Variants in ABCG1 observed in about 807,000 individuals in gnomAD.
ABCG1 encodes ATP binding cassette subfamily G member 1, also known as ATP-binding cassette sub-family G member 1.
ABCG1 carries 29 observed loss-of-function variants against 69.2 expected under a neutral mutation model. The ratio of observed to expected loss-of-function variants is 0.42; its 90% CI spans 0.31 to 0.57. The LOEUF is 0.57. ABCG1 is among the 20% of genes least tolerant of loss of function. ABCG1 has a pLI of 0.15. For synonymous variants in ABCG1, 370 were observed against 374.8 expected (o/e 0.99, Z 0.15); for missense variants, 718 against 898.1 (o/e 0.80, Z 2.56).
Position 42,242,380 on chromosome 21 carries a change from A to T in ABCG1, c.286+16466A>T, listed in dbSNP as rs111800268. 6.3e-3 allele frequency among the ~76,000 whole-genome samples: 957 copies of T among 152,290 alleles called. 11 individuals carry two copies. The highest frequency in any genetic ancestry group is 0.022 in the African/African-American group (921 of 41,562). On this transcript the variant is annotated intron_variant, in intron 2 of 14. Coordinates refer to ENST00000398449, the MANE Select transcript of ABCG1 (RefSeq NM_016818.3). ...GCAGAGCATAGTAGTGTGCACCTGTAGTCCCAGCTACTGAGGAGGCTGAGC... is the reference window on the plus strand; with the variant it reads ...GCAGAGCATAGTAGTGTGCACCTGTTGTCCCAGCTACTGAGGAGGCTGAGC...
chr21:42,254,386 T>A (rs561414422), intron 2 of ABCG1, among the ~76,000 whole-genome samples: 2 of 152,124 alleles, frequency 1.3e-5, no homozygotes, highest in South Asian at 2.1e-4. Context: ...TGAGGGGTGG[T>A]AGGGAGGGGT....
Position 42,282,346 on chromosome 21 carries a change from CAGCGCA to C in ABCG1, c.667_672del (p.Lys223_Arg224del). 1 of 1,613,784 alleles carries C rather than the reference CAGCGCA, an allele frequency of 6.2e-7. No homozygotes were observed. The highest frequency in any genetic ancestry group is 8.5e-7 in the Non-Finnish European group (1 of 1,180,030). ...GCGGACCGGGAGCCTGTCAGGTGGT[CAGCGCA>C]AGCGCCTGGCCATCGCGCTGGAGCT... On this transcript the variant is annotated inframe_deletion, in exon 6 of 15. Coordinates refer to ENST00000398449, the MANE Select transcript of ABCG1 (RefSeq NM_016818.3).
At chr21:42,267,634 T>TCTGGTCTGGGTTCTGTCTGG (rs1393819328) in intron 2 of ABCG1, among the ~76,000 whole-genome samples, 1 of 150,142 alleles carries the variant, frequency 6.7e-6, no homozygotes, top group African/African-American at 2.5e-5. Context: ...TCTGTCTGGG[T>TCTGGTCTGGGTTCTGTCTGG]GTGGTCTGGG....
intron 8 of ABCG1, chr21:42,286,273 C>T (rs2068938663): frequency 2.6e-6 from 1 of 387,636 alleles, no homozygotes; most frequent in South Asian, 3.3e-5. Context: ...TCAGGGCCCA[C>T]CCTAAGTCCA....
rs2068364654 is a variant in ABCG1, at chr21:42,259,356, A to C, written c.287-11714A>C. The C allele has an allele frequency of 1.0e-5, 16 of 1,550,334 alleles. No individual in the cohort carries two copies. The East Asian group carries it at 3.7e-4, about 36-fold the overall frequency. ...ACAGGTGGCAGCTTTAGCTTCTGCT[A>C]AACTGGAGAGCTCAGTGTTTGTGAC... On this transcript the variant is annotated intron_variant, in intron 2 of 14. Transcript: ENST00000398449.
intron 13 of ABCG1, among the ~76,000 whole-genome samples, chr21:42,293,640 C>A: frequency 7.1e-6 from 1 of 141,462 alleles, no homozygotes; most frequent in South Asian, 2.4e-4. Flanking sequence ...ACACACACAC[C>A]ACACACACTA....
intron 14 of ABCG1, 39 bp downstream of exon 14, chr21:42,294,699 G>A: frequency 6.3e-7 from 1 of 1,581,028 alleles, no homozygotes; most frequent in Non-Finnish European, 8.7e-7. Context: ...GGGACCGAGG[G>A]TGACGGGGGA....
At chr21:42,213,624 A>G (rs8131563), upstream of ABCG1, among the ~76,000 whole-genome samples, 7,877 of 152,318 alleles carry the variant, frequency 0.052, 644 homozygotes, top group African/African-American at 0.18. Context: ...GAGCTGCAGT[A>G]TGGGCTGTGC....
rs368179647 is a variant in ABCG1, at chr21:42,274,023, G to T, written c.537+588G>T. ...GGAGCTTCCCCCAGTGAAGCCAGGA[G>T]CCCAGGGTCACACGGCTGCTGATGG... On this transcript the variant is annotated intron_variant, in intron 4 of 14. Coordinates refer to ENST00000398449, the MANE Select transcript of ABCG1 (RefSeq NM_016818.3). Among the ~76,000 whole-genome samples, 17 of 152,350 alleles carry T rather than the reference G, an allele frequency of 1.1e-4. No individual in the cohort carries two copies. The South Asian group carries it at 1.2e-3, about 11-fold the overall frequency.
chr21:42,212,285 T>C (rs562252411), upstream of ABCG1, among the ~76,000 whole-genome samples: 1 of 152,100 alleles, frequency 6.6e-6, no homozygotes, highest in African/African-American at 2.4e-5. Flanking sequence ...AACTGGATAA[T>C]GGGCAGAGGC....
chr21:42,282,078 G>A (rs1043694939), intron 5 of ABCG1, among the ~76,000 whole-genome samples, 196 bp from the exon 6 acceptor site: 5 of 152,238 alleles, frequency 3.3e-5, no homozygotes, highest in African/African-American at 4.8e-5. Flanking sequence ...TCATCAGGAC[G>A]GCTGATGTGG....
intron 14 of ABCG1, among the ~76,000 whole-genome samples, chr21:42,295,873 A>G (rs1352034343): frequency 6.6e-6 from 1 of 152,226 alleles, no homozygotes; most frequent in African/African-American, 2.4e-5. Context: ...GGAAGTGAAC[A>G]CAAGACTTCT....
chr21:42,202,909 A>C (rs1373365682), intron 2 of ABCG1, among the ~76,000 whole-genome samples: 1 of 152,164 alleles, frequency 6.6e-6, no homozygotes, highest in Non-Finnish European at 1.5e-5. Flanking sequence ...CACAATGCCC[A>C]GACTTCAACA....
In ABCG1 at chr21:42,221,323, G is replaced by A. The variant is rs143898873; in HGVS notation, c.42+2019G>A. 1.6e-3 allele frequency: 246 copies of A among 152,262 alleles called. 1 individual carries two copies. Among genetic ancestry groups the A allele is most frequent in the African/African-American group, 5.7e-3 (235 of 41,552 alleles). The allele number at this position is 152,262 out of a possible 1,614,324, so 9.4% of individuals were successfully genotyped here. On this transcript the variant is annotated intron_variant, in intron 1 of 14. Transcript: ENST00000398449. ...TAAATTAAAAATAAAATAAATTCTGGCCAAGTCATAAACAAAGAGCCCTTC... is the reference window on the plus strand; with the variant it reads ...TAAATTAAAAATAAAATAAATTCTGACCAAGTCATAAACAAAGAGCCCTTC...
chr21:42,265,838 C>A (rs185410068), intron 2 of ABCG1, among the ~76,000 whole-genome samples: 1 of 152,180 alleles, frequency 6.6e-6, no homozygotes, highest in East Asian at 1.9e-4. Context: ...GGTGTCCTGC[C>A]GGCCCTGGCC....
intron 2 of ABCG1, among the ~76,000 whole-genome samples, chr21:42,246,731 A>G (rs892831871): frequency 2.0e-5 from 3 of 152,236 alleles, no homozygotes; most frequent in African/African-American, 7.2e-5. Context: ...CACATTTCAT[A>G]GATTAGAAAC....
intron 2 of ABCG1, chr21:42,256,237 A>G (rs757089796): frequency 5.5e-6 from 8 of 1,460,172 alleles, no homozygotes; most frequent in Non-Finnish European, 7.3e-6. Context: ...GAAAGATGCT[A>G]GCAGTGCAAC....
At position 42,278,789 on chromosome 21, in the gene ABCG1, C is replaced by T. The variant is rs537551554; in HGVS notation, c.588+1844C>T. On this transcript the variant is annotated intron_variant, in intron 5 of 14. Coordinates refer to ENST00000398449, the MANE Select transcript of ABCG1 (RefSeq NM_016818.3). ...AGCAGGTGTCAGAGCTGAGTCTCGG[C>T]GAAGTCTCCCATGGGAGATGAACCC... Among the ~76,000 whole-genome samples the T allele has an allele frequency of 2.0e-5, 3 of 152,220 alleles. No individual in the cohort carries two copies. In the East Asian group the frequency reaches 5.8e-4, roughly 29 times the overall value.
chr21:42,275,549 G>A (rs1054510142), intron 4 of ABCG1, among the ~76,000 whole-genome samples: 2 of 152,206 alleles, frequency 1.3e-5, no homozygotes, highest in African/African-American at 4.8e-5. Flanking sequence ...GGTAGCCCGA[G>A]TTTGACTTCT....
Sources: allele counts gnomAD v4.1 joint callset (sites outside exome capture counted in the v4.1 genomes callset), GRCh38; gene constraint gnomAD v4.1.1; transcripts MANE v1.5; gene names NCBI Gene and HGNC (gene_info 2026-07-23, HGNC 2026-07-21).